Variants in TJP1 observed in about 807,000 individuals in gnomAD.
The protein encoded by TJP1 is tight junction protein ZO-1.
Under a neutral mutation model 194.2 loss-of-function variants are expected in TJP1, and 43 were observed. The ratio of observed to expected loss-of-function variants is 0.22; its 90% CI spans 0.17 to 0.29. The LOEUF (loss-of-function observed/expected upper bound fraction) is 0.29. Ranked by LOEUF, TJP1 falls within the 10% of genes least tolerant of loss-of-function variation. The pLI is 1.00. For synonymous variants in TJP1, 801 were observed against 779.0 expected (o/e 1.03, Z -0.47); for missense variants, 1,971 against 2,185.7 (o/e 0.90, Z 1.96).
At chr15:29,845,575 G>T (rs2051375017) in intron 2 of TJP1, among the ~76,000 whole-genome samples, 1 of 152,196 alleles carries the variant, frequency 6.6e-6, no homozygotes, top group Admixed American at 6.5e-5. Flanking sequence ...GGAGGCAGAG[G>T]CGGGCAGATC....
At chr15:29,736,122 G>A (rs758063272) in intron 11 of TJP1, among the ~76,000 whole-genome samples, 2 of 152,150 alleles carry the variant, frequency 1.3e-5, no homozygotes, top group African/African-American at 2.4e-5. Context: ...TCAAAACGCT[G>A]CTAAAAAATA....
chr15:29,756,877 T>C (rs1366423471), intron 8 of TJP1, among the ~76,000 whole-genome samples: 2 of 152,176 alleles, frequency 1.3e-5, no homozygotes, highest in African/African-American at 2.4e-5. Flanking sequence ...TGCTTAACTA[T>C]ATAGAATGAG....
At chr15:29,873,619 C>T (rs2052600793) in intron 2 of TJP1, among the ~76,000 whole-genome samples, 1 of 152,154 alleles carries the variant, frequency 6.6e-6, no homozygotes, top group Non-Finnish European at 1.5e-5. Flanking sequence ...TTACAGTTTC[C>T]TATTTTAATA....
At chr15:29,827,108 G>A (rs1311949778), upstream of TJP1, among the ~76,000 whole-genome samples, 2 of 152,138 alleles carry the variant, frequency 1.3e-5, no homozygotes, top group South Asian at 2.1e-4. Context: ...AGCCCCAAAC[G>A]GGCAGTGTCA....
At chr15:29,793,431 ACATT>A (rs2151830751) in intron 2 of TJP1, among the ~76,000 whole-genome samples, 1 of 152,326 alleles carries the variant, frequency 6.6e-6, no homozygotes, top group African/African-American at 2.4e-5. Context: ...GGTGGTTCTC[ACATT>A]GCTATAAAGA....
intron 2 of TJP1, among the ~76,000 whole-genome samples, chr15:29,910,735 C>T (rs1300834715): frequency 6.6e-6 from 1 of 152,204 alleles, no homozygotes; most frequent in Non-Finnish European, 1.5e-5. Context: ...CCCAATAACT[C>T]TAATGATATG....
chr15:29,877,371 C>T (rs1001242031), intron 2 of TJP1, among the ~76,000 whole-genome samples: 3 of 152,110 alleles, frequency 2.0e-5, no homozygotes, highest in African/African-American at 7.2e-5. Flanking sequence ...TGTGCACCAC[C>T]ACACCTGAGT....
chr15:29,741,183 G>A, intron 10 of TJP1, 148 bp downstream of exon 10: 2 of 613,388 alleles, frequency 3.3e-6, no homozygotes, highest in Non-Finnish European at 5.5e-6. Context: ...TATATAAGTA[G>A]CAGAATGTTA....
intron 11 of TJP1, among the ~76,000 whole-genome samples, chr15:29,734,732 C>T (rs756773500): frequency 2.0e-5 from 3 of 151,980 alleles, no homozygotes; most frequent in African/African-American, 4.8e-5. Flanking sequence ...GTGATCCGCC[C>T]GCTTTGGTCT....
rs1184644856 is a variant in TJP1, at chr15:29,791,746, A to G, written c.84+8900T>C. 2.6e-5 allele frequency among the ~76,000 whole-genome samples: 4 copies of G among 152,236 alleles called. No homozygotes were observed. In the East Asian group the frequency reaches 7.7e-4, roughly 29 times the overall value. On this transcript the variant is annotated intron_variant, in intron 2 of 27. Coordinates refer to ENST00000614355, the MANE Select transcript of TJP1 (RefSeq NM_001330239.4). ...TGGTTTACATTCCTATCAACAACGT[A>G]TAAGAGTTCTCTTTTTTCTGCCTGC... is the stretch of plus-strand genomic sequence containing the variant.
Position 29,778,441 on chromosome 15 carries a change from G to T in TJP1, c.85-5084C>A, listed in dbSNP as rs79603880. Among the ~76,000 whole-genome samples the T allele has an allele frequency of 1.8e-3, 274 of 152,036 alleles. 1 individual carries two copies. The highest frequency in any genetic ancestry group is 6.3e-3 in the African/African-American group (260 of 41,444). On this transcript the variant is annotated intron_variant, in intron 2 of 27. Coordinates refer to ENST00000614355, the MANE Select transcript of TJP1 (RefSeq NM_001330239.4). ...ATCAGTTCATTAAAAATTTCAAAAG[G>T]TTCAACTTTTCCCCACTTTCCCTTC...
At chr15:29,961,343 T>TC (rs2056152232) in intron 1 of TJP1, among the ~76,000 whole-genome samples, 1 of 139,760 alleles carries the variant, frequency 7.2e-6, no homozygotes, top group African/African-American at 2.7e-5. Flanking sequence ...TCTTTTTTTT[T>TC]TTTTTTTTTT....
At chr15:29,825,991 C>G (rs2050662558), upstream of TJP1, among the ~76,000 whole-genome samples, 1 of 151,988 alleles carries the variant, frequency 6.6e-6, no homozygotes, top group African/African-American at 2.4e-5. Context: ...TATAGGAGTA[C>G]CAACTTTTTA....
At chr15:29,895,413 A>G (rs2053445954) in intron 2 of TJP1, among the ~76,000 whole-genome samples, 1 of 152,204 alleles carries the variant, frequency 6.6e-6, no homozygotes, top group Non-Finnish European at 1.5e-5. Context: ...CCTTCCACAA[A>G]ATGTGAGGAC....
chr15:29,775,112 C>T (rs191430721), intron 2 of TJP1, among the ~76,000 whole-genome samples: 3 of 152,292 alleles, frequency 2.0e-5, no homozygotes, highest in East Asian at 1.9e-4. Context: ...AGTGTCTCCA[C>T]GCCATAGGGG....
intron 2 of TJP1, among the ~76,000 whole-genome samples, chr15:29,796,706 G>C (rs2048436228): frequency 6.6e-6 from 1 of 152,142 alleles, no homozygotes. Context: ...AAAGGCAAAG[G>C]AGCTAGAATA....
intron 2 of TJP1, among the ~76,000 whole-genome samples, chr15:29,847,645 C>T (rs896547590): frequency 2.4e-4 from 36 of 152,018 alleles, no homozygotes; most frequent in African/African-American, 7.7e-4. Flanking sequence ...ATTAGCCGGG[C>T]GAGGTGGTGC....
At chr15:29,790,060 C>T (rs1009193142) in intron 2 of TJP1, among the ~76,000 whole-genome samples, 3 of 152,218 alleles carry the variant, frequency 2.0e-5, no homozygotes, top group Non-Finnish European at 4.4e-5. Flanking sequence ...AGTCAGCACA[C>T]TATGGCCCAC....
chr15:29,730,949 G>A, intron 15 of TJP1: 3 of 1,259,722 alleles, frequency 2.4e-6, no homozygotes, highest in South Asian at 1.2e-5. Context: ...AAACAGACCA[G>A]GCACAGAAAG....
Sources: allele counts gnomAD v4.1 joint callset (sites outside exome capture counted in the v4.1 genomes callset), GRCh38; gene constraint gnomAD v4.1.1; transcripts MANE v1.5; gene names NCBI Gene and HGNC (gene_info 2026-07-23, HGNC 2026-07-21).